SF3B3: variants seen among roughly 807,000 people sequenced by gnomAD.
The protein encoded by SF3B3 is SAP 130.
SF3B3 carries 33 observed loss-of-function variants against 139.2 expected under a neutral mutation model. That is an observed-to-expected ratio of 0.24 (90% CI 0.18 to 0.32). The LOEUF (loss-of-function observed/expected upper bound fraction) is 0.32, where lower values mean the gene tolerates loss of function less well. Ranked by LOEUF, SF3B3 falls within the 10% of genes least tolerant of loss-of-function variation. The probability of loss-of-function intolerance (pLI) is 1.00; values close to 1 mark genes in which losing one functional copy is unlikely to be tolerated. For synonymous variants in SF3B3, 596 were observed against 563.6 expected (o/e 1.06, Z -0.81); for missense variants, 818 against 1,509.4 (o/e 0.54, Z 7.59).
chr16:70,530,119 G>A (rs1567409010), intron 3 of SF3B3, among the ~76,000 whole-genome samples: 1 of 134,288 alleles, frequency 7.4e-6, no homozygotes, highest in South Asian at 2.4e-4. Flanking sequence ...GAGTGAGACT[G>A]CATCTCAAAA....
At position 70,554,575 on chromosome 16, in the gene SF3B3, T is replaced by C; in HGVS notation, c.1532T>C (p.Leu511Ser). 2 of 1,614,140 alleles carry C rather than the reference T, an allele frequency of 1.2e-6. No individual in the cohort carries two copies. Among genetic ancestry groups the C allele is most frequent in the Non-Finnish European group, 1.7e-6 (2 of 1,180,014 alleles). The change falls in exon 12 of 26, where the codon TTA becomes TCA. Residue 511 changes from leucine to serine, a missense_variant. This residue lies in a region of SF3B3 where 170 missense variants were observed against 353.0 expected (regional missense o/e 0.48). Coordinates refer to ENST00000302516, the MANE Select transcript of SF3B3 (RefSeq NM_012426.5). ...GTTPTLSCSL[L>S]GDDALVQVYP... is the part of the protein sequence containing the mutation. The stretch of plus-strand genomic sequence containing the variant: ...ACCCCGACCTTGTCCTGCTCCTTAT[T>C]AGGAGATGATGCCTTGGTGCAGGTG...
chr16:70,546,592 A>G (rs551793343), intron 10 of SF3B3, among the ~76,000 whole-genome samples: 2 of 152,270 alleles, frequency 1.3e-5, no homozygotes, highest in African/African-American at 2.4e-5. Flanking sequence ...TAGAGGTTGC[A>G]GTGAGCCGAG....
At chr16:70,531,338 C>A (rs2050119659) in intron 4 of SF3B3, among the ~76,000 whole-genome samples, 1 of 152,108 alleles carries the variant, frequency 6.6e-6, no homozygotes, top group African/African-American at 2.4e-5. Context: ...CAGTCTTGCT[C>A]TGTTGCCCAG....
chr16:70,564,304 C>T (rs2050455553), intron 18 of SF3B3, among the ~76,000 whole-genome samples: 1 of 152,142 alleles, frequency 6.6e-6, no homozygotes, highest in Non-Finnish European at 1.5e-5. Flanking sequence ...CCCAGGAGTT[C>T]AAGACTGCAG....
intron 14 of SF3B3, 80 bp from the exon 15 acceptor site, chr16:70,556,806 T>C: frequency 6.5e-7 from 1 of 1,531,174 alleles, no homozygotes; most frequent in Admixed American, 1.7e-5. Context: ...TTTTCAATCC[T>C]AGAATTAGAT....
chr16:70,543,176 G>T (rs1212402237), intron 9 of SF3B3, among the ~76,000 whole-genome samples: 1 of 152,042 alleles, frequency 6.6e-6, no homozygotes, highest in Non-Finnish European at 1.5e-5. Flanking sequence ...GGGAGGCCGA[G>T]GTGGGCAGAT....
chr16:70,531,626 A>G (rs184448294), intron 4 of SF3B3, among the ~76,000 whole-genome samples: 13 of 152,296 alleles, frequency 8.5e-5, no homozygotes, highest in Non-Finnish European at 4.4e-5. Context: ...TCATATTCCA[A>G]ATGCCTTACT....
At chr16:70,545,147 C>T (rs1470857063) in intron 10 of SF3B3, among the ~76,000 whole-genome samples, 1 of 152,180 alleles carries the variant, frequency 6.6e-6, no homozygotes, top group Non-Finnish European at 1.5e-5. Context: ...TCACTGCAGC[C>T]TTGACCTTCC....
Position 70,559,922 on chromosome 16 carries a change from G to T in SF3B3, c.2011-547G>T, listed in dbSNP as rs944669687. ...TGGCTTCTTTTTTTTTGAGGGGTGCGGGGGGGTGGTAAATTGACTCATTCT... is the reference window on the plus strand; with the variant it reads ...TGGCTTCTTTTTTTTTGAGGGGTGCTGGGGGGTGGTAAATTGACTCATTCT... On this transcript the variant is annotated intron_variant, in intron 15 of 25. Coordinates refer to ENST00000302516, the MANE Select transcript of SF3B3 (RefSeq NM_012426.5). Among the ~76,000 whole-genome samples, 36 of 48,094 alleles carry T rather than the reference G, an allele frequency of 7.5e-4. 1 individual carries two copies. In the South Asian group the frequency reaches 0.045, roughly 61 times the overall value. 31.6% of individuals were successfully genotyped at this position (48,094 alleles called of 152,430 possible).
intron 11 of SF3B3, among the ~76,000 whole-genome samples, chr16:70,553,845 A>G (rs1004357088): frequency 6.6e-6 from 1 of 152,196 alleles, no homozygotes; most frequent in African/African-American, 2.4e-5. Context: ...GAAAAACCAG[A>G]GAGGTCACAG....
chr16:70,544,385 T>G, intron 9 of SF3B3, 53 bp from the exon 10 acceptor site: 1 of 981,410 alleles, frequency 1.0e-6, no homozygotes, highest in Non-Finnish European at 1.6e-6. Flanking sequence ...ATCAGAGTTG[T>G]GTTTGAAAAC....
At chr16:70,543,335 G>C (rs1182684422) in intron 9 of SF3B3, among the ~76,000 whole-genome samples, 1 of 151,378 alleles carries the variant, frequency 6.6e-6, no homozygotes, top group Non-Finnish European at 1.5e-5. Flanking sequence ...GCTTGAACTT[G>C]GGAGGCAGAG....
In SF3B3 at chr16:70,548,282, C is replaced by T; in HGVS notation, c.1330-88C>T. 3 of 1,083,672 alleles carry T rather than the reference C, an allele frequency of 2.8e-6. No homozygotes were observed. In the East Asian group the frequency reaches 7.1e-5, roughly 26 times the overall value. 67.1% of individuals were successfully genotyped at this position (1,083,672 alleles called of 1,614,324 possible). On this transcript the variant is annotated intron_variant, in intron 10 of 25. Transcript: ENST00000302516. ...ATACAGCATACGTTGTGAACCCTGC[C>T]TTTGAGACCTTATTTTTTGATGTGA...
chr16:70,535,131 A>G (rs2050154391), intron 5 of SF3B3, among the ~76,000 whole-genome samples, 177 bp from the exon 6 acceptor site: 1 of 152,208 alleles, frequency 6.6e-6, no homozygotes, highest in South Asian at 2.1e-4. Context: ...CCATGTAAAC[A>G]CAAACTGTGC....
In SF3B3 at chr16:70,523,860, T is replaced by G. The variant is rs900479005; in HGVS notation, c.-139T>G. 1.2e-5 allele frequency: 6 copies of G among 505,016 alleles called. No individual in the cohort carries two copies. The highest frequency in any genetic ancestry group is 1.7e-5 in the Non-Finnish European group (5 of 287,968). 31.3% of individuals were successfully genotyped at this position (505,016 alleles called of 1,614,324 possible). A position where few individuals can be genotyped will look rare whatever the true frequency, so the allele number is the denominator to read the frequency against. On this transcript the variant is annotated 5_prime_UTR_variant, in exon 1 of 26. Coordinates refer to ENST00000302516, the MANE Select transcript of SF3B3 (RefSeq NM_012426.5). ...ATGGCGGACGCCAGTATGTTGGAGT[T>G]GGTGGTGGCTTAAGTTTTGAAGGGA...
intron 20 of SF3B3, among the ~76,000 whole-genome samples, chr16:70,566,591 C>T (rs937762487): frequency 6.6e-6 from 1 of 152,070 alleles, no homozygotes; most frequent in African/African-American, 2.4e-5. Flanking sequence ...AGATGGTAAA[C>T]TTTATGTTAT....
chr16:70,570,630 C>G (rs938835754), intron 24 of SF3B3, among the ~76,000 whole-genome samples: 1 of 152,218 alleles, frequency 6.6e-6, no homozygotes, highest in African/African-American at 2.4e-5. Context: ...CGCGCCCGGC[C>G]AGGCCGTTTG....
At chr16:70,569,263 T>C (rs777559853) in intron 23 of SF3B3, 122 bp downstream of exon 23, 4 of 642,182 alleles carry the variant, frequency 6.2e-6, no homozygotes, top group African/African-American at 1.8e-5. Flanking sequence ...GTGCTGTCCG[T>C]CCACAGTCCT....
At chr16:70,528,799 G>C (rs376602182) in intron 2 of SF3B3, 74 bp from the exon 3 acceptor site, 18 of 1,094,238 alleles carry the variant, frequency 1.6e-5, no homozygotes, top group South Asian at 7.5e-5. Flanking sequence ...TGTATTTTTA[G>C]TAGAGACGGG....
Sources: allele counts gnomAD v4.1 joint callset (sites outside exome capture counted in the v4.1 genomes callset), GRCh38; gene constraint gnomAD v4.1.1; regional missense constraint gnomAD v4.1.1; transcripts MANE v1.5; gene names NCBI Gene and HGNC (gene_info 2026-07-23, HGNC 2026-07-21).